FREM1: variants seen among roughly 807,000 people sequenced by gnomAD.
FREM1 encodes the protein FRAS1-related extracellular matrix protein 1.
A neutral mutation model predicts 210.1 loss-of-function variants in FREM1; 220 were observed. That is an observed-to-expected ratio of 1.05 (90% confidence interval 0.94 to 1.17). FREM1 has a LOEUF of 1.17. FREM1 is among the 50% of genes most tolerant of loss of function. The probability of loss-of-function intolerance (pLI) is 0.00; values close to 1 mark genes in which losing one functional copy is unlikely to be tolerated. For missense variants in FREM1, 3,454 were observed against 2,675.5 expected, an observed-to-expected ratio of 1.29 and a Z score of -6.42; for synonymous variants, 1,189 against 980.2, an observed-to-expected ratio of 1.21 and a Z score of -3.98.
intron 10 of FREM1, among the ~76,000 whole-genome samples, chr9:14,831,662 G>C (rs1404328139): frequency 6.6e-6 from 1 of 152,234 alleles, no homozygotes. Context: ...GCAGGATACA[G>C]AGTTCAATCT....
intron 27 of FREM1, among the ~76,000 whole-genome samples, chr9:14,767,840 A>C (rs934230355): frequency 6.6e-6 from 1 of 152,104 alleles, no homozygotes; most frequent in Non-Finnish European, 1.5e-5. Flanking sequence ...ACTTCTCTCT[A>C]TATTACCCCT....
chr9:14,811,307 G>T (rs1341231475), intron 16 of FREM1, among the ~76,000 whole-genome samples: 1 of 152,260 alleles, frequency 6.6e-6, no homozygotes, highest in East Asian at 1.9e-4. Flanking sequence ...TTAGAAATTT[G>T]TATACCTGTT....
chr9:14,876,799 C>G (rs1236727098), intron 1 of FREM1, among the ~76,000 whole-genome samples: 1 of 152,202 alleles, frequency 6.6e-6, no homozygotes, highest in Non-Finnish European at 1.5e-5. Context: ...TAGACTGGAG[C>G]TGTTCCTATT....
At chr9:14,861,401 A>G (rs72711401) in intron 3 of FREM1, among the ~76,000 whole-genome samples, 8,316 of 148,160 alleles carry the variant, frequency 0.056, 330 homozygotes, top group East Asian at 0.14. Context: ...ATATATATGT[A>G]ATGGGGTACA....
In FREM1 at chr9:14,789,069, G is replaced by A. The variant is rs373741252; in HGVS notation, c.4027C>T (p.Gln1343Ter). 23 of 1,606,548 alleles carry A rather than the reference G, an allele frequency of 1.4e-5. No individual in the cohort carries two copies. The highest frequency in any genetic ancestry group is 2.0e-5 in the Non-Finnish European group (23 of 1,176,374). Residue 1343 changes from glutamine (Q) to a stop codon, truncating the protein, a stop_gained, in exon 23 of 37, where the codon CAG becomes TAG. Transcript: ENST00000380880. LOFTEE classifies it high-confidence loss of function. ...AGCAAGTTCAGATCCACTTCCTCCT[G>A]AGTGCATTTCATGCCAGGGGAGAGA... ...VPLSPGMKCT[Q>*]EEVDLNLLRY...
intron 5 of FREM1, among the ~76,000 whole-genome samples, chr9:14,855,299 G>C (rs1417388563): frequency 6.6e-6 from 1 of 152,094 alleles, no homozygotes; most frequent in Non-Finnish European, 1.5e-5. Context: ...TGGGAAACAA[G>C]TTAATTGTTC....
intron 1 of FREM1, among the ~76,000 whole-genome samples, chr9:14,873,636 T>C (rs552082844): frequency 4.6e-5 from 7 of 152,308 alleles, no homozygotes; most frequent in Non-Finnish European, 1.0e-4. Flanking sequence ...ATTCATTAAT[T>C]TTTTGAAGGG....
intron 29 of FREM1, among the ~76,000 whole-genome samples, chr9:14,754,164 A>T (rs543145141): frequency 7.9e-5 from 12 of 152,302 alleles, no homozygotes; most frequent in Non-Finnish European, 1.8e-4. Context: ...ACCTCAAATT[A>T]TGAAGATGAC....
intron 1 of FREM1, among the ~76,000 whole-genome samples, chr9:14,884,818 C>T (rs971144609): frequency 6.6e-6 from 1 of 151,382 alleles, no homozygotes; most frequent in African/African-American, 2.4e-5. Flanking sequence ...TATTCTTCCT[C>T]TCTGGAATTT....
chr9:14,747,671 C>T lies in FREM1; in HGVS notation c.5844+10G>A. On this transcript the variant is annotated intron_variant, in intron 32 of 36. Transcript: ENST00000380880. ...TATAAGAAATTTAGCAATTCTGTGA[C>T]TACACTTACATTATAGATGATGTCT... 1 of 1,493,894 alleles carries T rather than the reference C, an allele frequency of 6.7e-7. No homozygotes were observed. Among genetic ancestry groups the T allele is most frequent in the South Asian group, 1.3e-5 (1 of 74,996 alleles). The allele number at this position is 1,493,894 out of a possible 1,614,324, so 92.5% of individuals were successfully genotyped here.
At chr9:14,752,677 G>C (rs1474073852) in intron 29 of FREM1, among the ~76,000 whole-genome samples, 2 of 152,268 alleles carry the variant, frequency 1.3e-5, no homozygotes, top group African/African-American at 2.4e-5. Context: ...ATAAGAGGTG[G>C]TCAATGAAGA....
At chr9:14,876,611 C>T (rs1833798733) in intron 1 of FREM1, among the ~76,000 whole-genome samples, 1 of 152,180 alleles carries the variant, frequency 6.6e-6, no homozygotes, top group African/African-American at 2.4e-5. Context: ...AAAGGGAACT[C>T]CCTGATCCCT....
intron 25 of FREM1, among the ~76,000 whole-genome samples, chr9:14,775,444 G>A (rs901103881): frequency 6.6e-6 from 1 of 152,066 alleles, no homozygotes; most frequent in East Asian, 1.9e-4. Flanking sequence ...GATAGCTCAC[G>A]ACTGTAATCC....
intron 1 of FREM1, among the ~76,000 whole-genome samples, chr9:14,900,881 G>C (rs575582849): frequency 6.6e-6 from 1 of 152,160 alleles, no homozygotes; most frequent in Non-Finnish European, 1.5e-5. Context: ...TGGGGTCCTT[G>C]CACATCCCTT....
At chr9:14,826,520 T>C (rs1180245493) in intron 10 of FREM1, among the ~76,000 whole-genome samples, 1 of 152,194 alleles carries the variant, frequency 6.6e-6, no homozygotes, top group East Asian at 1.9e-4. Context: ...GCAACCTGAG[T>C]CTTTCTCACC....
chr9:14,750,910 G>T (rs1259132091), intron 29 of FREM1, among the ~76,000 whole-genome samples: 3 of 152,130 alleles, frequency 2.0e-5, no homozygotes, highest in Non-Finnish European at 2.9e-5. Context: ...CTCTATTCAT[G>T]AAGTTACAAT....
chr9:14,902,058 C>T (rs1482563792), intron 1 of FREM1, among the ~76,000 whole-genome samples: 4 of 151,300 alleles, frequency 2.6e-5, no homozygotes, highest in African/African-American at 9.7e-5. Context: ...GTTTCTCAGG[C>T]TGGTCTCAAA....
intron 1 of FREM1, among the ~76,000 whole-genome samples, chr9:14,893,026 G>C (rs2132420048): frequency 6.6e-6 from 1 of 152,292 alleles, no homozygotes; most frequent in Admixed American, 6.5e-5. Context: ...TTTGTCACAT[G>C]TATTTTACTC....
intron 2 of FREM1, among the ~76,000 whole-genome samples, chr9:14,867,718 A>G (rs1831808348): frequency 6.6e-6 from 1 of 152,172 alleles, no homozygotes; most frequent in Non-Finnish European, 1.5e-5. Flanking sequence ...AAAGGAAATA[A>G]AGTTCATAGT....
Sources: gnomAD v4.1 joint callset for allele counts (sites outside exome capture counted in the v4.1 genomes callset) on GRCh38, gnomAD v4.1.1 for gene constraint, MANE v1.5 for transcripts, NCBI Gene and HGNC (gene_info 2026-07-23, HGNC 2026-07-21) for gene names.